Variants in GRHL1 observed in about 807,000 individuals in gnomAD.
GRHL1 encodes grainyhead like transcription factor 1, also known as grainyhead-like protein 1 homolog.
In GRHL1, 38 loss-of-function variants were observed where a neutral mutation model predicts 75.7. The ratio of observed to expected loss-of-function variants is 0.50; its 90% CI spans 0.39 to 0.66. The LOEUF is 0.66. GRHL1 is among the 30% of genes least tolerant of loss of function. The pLI is 0.00. For synonymous variants in GRHL1, 266 were observed against 279.4 expected (o/e 0.95, Z 0.48); for missense variants, 589 against 767.5 (o/e 0.77, Z 2.75).
chr2:9,989,876 C>A (rs1433226152), intron 9 of GRHL1, among the ~76,000 whole-genome samples: 1 of 152,014 alleles, frequency 6.6e-6, no homozygotes, highest in Non-Finnish European at 1.5e-5. Context: ...AGTGATGATG[C>A]ATATTTCTAG....
Position 10,002,159 on chromosome 2 carries a change from G to A in GRHL1, c.*1452G>A, listed in dbSNP as rs1267392478. 6.6e-6 allele frequency: 1 copy of A among 152,422 alleles called. No individual in the cohort carries two copies. The highest frequency in any genetic ancestry group is 1.5e-5 in the Non-Finnish European group (1 of 67,974). The allele number at this position is 152,422 out of a possible 1,614,324, so 9.4% of individuals were successfully genotyped here. ...TTTCTAAGATAAGATATGGGATATGGGTCATATAACTTTTGTATTTTTTAT... is the reference window on the plus strand; with the variant it reads ...TTTCTAAGATAAGATATGGGATATGAGTCATATAACTTTTGTATTTTTTAT... On this transcript the variant is annotated 3_prime_UTR_variant, in exon 16 of 16. Transcript: ENST00000324907.
rs1558320905 is a variant in GRHL1, at chr2:9,998,708, A to ATATATGTACACACATATATACG, written c.1678-252_1678-251insGTACACACATATATACGTATAT. Among the ~76,000 whole-genome samples the ATATATGTACACACATATATACG allele has an allele frequency of 5.6e-4, 30 of 53,148 alleles. 11 individuals carry two copies. Among genetic ancestry groups the ATATATGTACACACATATATACG allele is most frequent in the South Asian group, 2.1e-3 (4 of 1,876 alleles). 34.9% of individuals were successfully genotyped at this position (53,148 alleles called of 152,430 possible). On this transcript the variant is annotated intron_variant, in intron 14 of 15. Transcript: ENST00000324907. ...TATATATGTACACACATATATATAC[A>ATATATGTACACACATATATACG]TATATATGTACACACATATATACGT...
At chr2:9,999,100 C>T (rs997805114) in intron 15 of GRHL1, 71 bp downstream of exon 15, 2 of 662,306 alleles carry the variant, frequency 3.0e-6, no homozygotes, top group South Asian at 2.0e-5. Flanking sequence ...GTGACGCACC[C>T]CCCAGTGCTG....
At chr2:9,979,169 G>GAAAAAAAAAAAAAAAAAAAAAAAAAAA (rs1313941842) in intron 8 of GRHL1, among the ~76,000 whole-genome samples, 40 of 74,848 alleles carry the variant, frequency 5.3e-4, no homozygotes, top group Admixed American at 7.4e-4. Context: ...AAAAAAAAAG[G>GAAAAAAAAAAAAAAAAAAAAAAAAAAA]AAACCTTATC....
At position 9,992,364 on chromosome 2, in the gene GRHL1, C is replaced by G. The variant is rs1264429179; in HGVS notation, c.1461+218C>G. Among the ~76,000 whole-genome samples, 2 of 152,196 alleles carry G rather than the reference C, an allele frequency of 1.3e-5. No homozygotes were observed. Among genetic ancestry groups the G allele is most frequent in the Admixed American group, 1.3e-4 (2 of 15,284 alleles). On this transcript the variant is annotated intron_variant, in intron 11 of 15. Transcript: ENST00000324907. This position sits in a 1 kb window ranked among gnomAD's most constrained non-coding sequence, Gnocchi z 4.6. ...TGCAGTGCAGCCTGTCAGCTTTATT[C>G]TGTTTGTATTCATTCATTCATTCGT...
At chr2:9,960,775 T>C (rs944791851) in intron 3 of GRHL1, 6 of 364,054 alleles carry the variant, frequency 1.6e-5, no homozygotes, top group African/African-American at 8.2e-5. Context: ...CAGTAATTGT[T>C]TTTAGGATTA....
At chr2:9,981,972 A>G (rs769179709) in intron 8 of GRHL1, among the ~76,000 whole-genome samples, 1 of 152,256 alleles carries the variant, frequency 6.6e-6, no homozygotes, top group Non-Finnish European at 1.5e-5. Flanking sequence ...AACATGAGTA[A>G]TAAAAATAAG....
chr2:10,000,730 C>A lies in GRHL1; in HGVS notation c.*23C>A. 7.7e-7 allele frequency: 1 copy of A among 1,290,448 alleles called. No individual in the cohort carries two copies. The highest frequency in any genetic ancestry group is 1.1e-6 in the Non-Finnish European group (1 of 886,884). The allele number at this position is 1,290,448 out of a possible 1,614,324, so 79.9% of individuals were successfully genotyped here. A position where few individuals can be genotyped will look rare whatever the true frequency, so the allele number is the denominator to read the frequency against. On this transcript the variant is annotated 3_prime_UTR_variant, in exon 16 of 16. Transcript: ENST00000324907. ...TAAAGGCCTGCGGGCCACAGCTCCC[C>A]AGGAGTTCAGTGCAGGTGTTTCTAG...
rs1221798513 is a variant in GRHL1, at chr2:9,965,322, A to G, written c.1051A>G (p.Ile351Val). ...YKESFNTISN[I>V]EEIAYNAISF... Reference sequence around the variant, plus strand: ...AGAAAGCTTCAACACTATCAGTAACATCGAGGAGATTGCGTATAACGCCAT... The same window carrying G: ...AGAAAGCTTCAACACTATCAGTAACGTCGAGGAGATTGCGTATAACGCCAT... The change falls in exon 8 of 16, where the codon ATC (isoleucine) becomes GTC (valine). Residue 351 changes from isoleucine to valine, a missense_variant. Transcript: ENST00000324907. 1 of 1,611,550 alleles carries G rather than the reference A, an allele frequency of 6.2e-7. No homozygotes were observed. Among genetic ancestry groups the G allele is most frequent in the Admixed American group, 1.7e-5 (1 of 60,012 alleles).
Position 9,968,655 on chromosome 2 carries a change from A to G in GRHL1, c.1110+3274A>G, listed in dbSNP as rs1447789170. On this transcript the variant is annotated intron_variant, in intron 8 of 15. Transcript: ENST00000324907. The surrounding 1 kb of genome is among the most constrained non-coding windows in gnomAD (Gnocchi z 4.7). ...GCTGAAGTTTAGGATTTGCAGGACAAGATGAGGGCACTGGTCTCCTGCAGA... is the reference window on the plus strand; with the variant it reads ...GCTGAAGTTTAGGATTTGCAGGACAGGATGAGGGCACTGGTCTCCTGCAGA... 4.6e-5 allele frequency among the ~76,000 whole-genome samples: 7 copies of G among 152,222 alleles called. No individual in the cohort carries two copies. Among genetic ancestry groups the G allele is most frequent in the African/African-American group, 1.7e-4 (7 of 41,460 alleles).
intron 5 of GRHL1, among the ~76,000 whole-genome samples, chr2:9,963,025 G>A (rs1417926921): frequency 6.6e-6 from 1 of 152,012 alleles, no homozygotes; most frequent in Non-Finnish European, 1.5e-5. Context: ...TATTTTCCAA[G>A]TTAATTAGGA....
At chr2:9,964,408 A>G in intron 7 of GRHL1, 62 bp downstream of exon 7, 1 of 912,532 alleles carries the variant, frequency 1.1e-6, no homozygotes. Context: ...TTCTAAATCC[A>G]ATTATTTTTG....
At chr2:9,996,117 A>T in intron 13 of GRHL1, 147 bp downstream of exon 13, 1 of 716,946 alleles carries the variant, frequency 1.4e-6, no homozygotes, top group Non-Finnish European at 2.5e-6. Context: ...TTGAGCTAGG[A>T]CTTAGAGCAA....
chr2:9,957,090 T>C (rs1667062187), intron 2 of GRHL1, among the ~76,000 whole-genome samples: 1 of 150,884 alleles, frequency 6.6e-6, no homozygotes, highest in Non-Finnish European at 1.5e-5. Context: ...AACCTCAACC[T>C]CCTGGGGTTG....
rs1224111382 is a variant in GRHL1, at chr2:10,000,587, A to T, written c.1743-6A>T. 13 of 1,577,118 alleles carry T rather than the reference A, an allele frequency of 8.2e-6. No individual in the cohort carries two copies. The highest frequency in any genetic ancestry group is 8.1e-5 in the African/African-American group (6 of 74,128). On this transcript the variant is annotated splice_polypyrimidine_tract_variant and splice_region_variant and intron_variant, in intron 15 of 15. Transcript: ENST00000324907. ...AAGTTGGTTGGTCTTGTCCCCCCCC[A>T]TCCAGGATCCTGGTGAACATGGACG...
At chr2:9,996,471 A>T (rs1668865997) in intron 14 of GRHL1, 70 bp downstream of exon 14, 4 of 1,020,408 alleles carry the variant, frequency 3.9e-6, no homozygotes, top group Non-Finnish European at 6.2e-6. Context: ...TCATTGAAAC[A>T]CTTTATCAGA....
At chr2:9,967,954 GTTCT>G (rs775808389) in intron 8 of GRHL1, among the ~76,000 whole-genome samples, 2 of 152,064 alleles carry the variant, frequency 1.3e-5, no homozygotes, top group Non-Finnish European at 2.9e-5. Context: ...ATGATTTCCA[GTTCT>G]TTCTCCCTCA....
chr2:9,958,681 GATAA>G, intron 2 of GRHL1, 101 bp from the exon 3 acceptor site: 2 of 822,584 alleles, frequency 2.4e-6, no homozygotes, highest in Non-Finnish European at 4.0e-6. Flanking sequence ...GCAACCAGTA[GATAA>G]ATGAATGATT....
At chr2:9,977,319 C>A (rs910549716) in intron 8 of GRHL1, among the ~76,000 whole-genome samples, 1 of 152,058 alleles carries the variant, frequency 6.6e-6, no homozygotes, top group African/African-American at 2.4e-5. Flanking sequence ...ATAATAAACA[C>A]TGGAAGAAAT....
Sources: gnomAD v4.1 joint callset for allele counts (sites outside exome capture counted in the v4.1 genomes callset) on GRCh38, gnomAD v4.1.1 for gene constraint, Gnocchi (gnomAD v3.1) non-coding constraint, MANE v1.5 for transcripts, NCBI Gene and HGNC (gene_info 2026-07-23, HGNC 2026-07-21) for gene names.